The following RUNX1 variants were observed in gnomAD, a reference collection of about 807,000 sequenced individuals.
RUNX1 encodes runt-related transcription factor 1.
A neutral mutation model predicts 42.8 loss-of-function variants in RUNX1; 19 were observed. The ratio of observed to expected loss-of-function variants is 0.44; its 90% CI spans 0.31 to 0.65. The LOEUF (loss-of-function observed/expected upper bound fraction) is 0.65, where lower values mean the gene tolerates loss of function less well. RUNX1 is among the 30% of genes least tolerant of loss of function. RUNX1 has a pLI of 0.07. For missense variants in RUNX1, 528 were observed against 672.0 expected, an observed-to-expected ratio of 0.79 and a Z score of 2.37; for synonymous variants, 271 against 289.4, an observed-to-expected ratio of 0.94 and a Z score of 0.64.
At chr21:34,802,488 T>C (rs1027002181) in intron 7 of RUNX1, among the ~76,000 whole-genome samples, 4 of 152,234 alleles carry the variant, frequency 2.6e-5, no homozygotes, top group African/African-American at 4.8e-5. Context: ...CATTTATTCA[T>C]TCATGTGTTC....
intron 2 of RUNX1, among the ~76,000 whole-genome samples, chr21:34,949,506 T>C (rs1396055930): frequency 6.6e-6 from 1 of 152,258 alleles, no homozygotes; most frequent in East Asian, 1.9e-4. Flanking sequence ...ATGCTTTGTT[T>C]GGCTGAGGAA....
intron 7 of RUNX1, among the ~76,000 whole-genome samples, chr21:34,822,817 CA>C (rs2056927969): frequency 6.6e-6 from 1 of 152,296 alleles, no homozygotes; most frequent in Non-Finnish European, 1.5e-5. Flanking sequence ...AGAGTGGCCA[CA>C]ACAGTGTTAT....
Position 34,869,768 on chromosome 21 carries a change from G to T in RUNX1, c.509-10190C>A, listed in dbSNP as rs917332335. On this transcript the variant is annotated intron_variant, in intron 5 of 8. Transcript: ENST00000675419. ...CTGCTACAAAACCCCTTCAACTTGG[G>T]TGGAGGCAGCAATGATCACTCAGGA... Among the ~76,000 whole-genome samples, 6 of 152,316 alleles carry T rather than the reference G, an allele frequency of 3.9e-5. 1 individual carries two copies. The South Asian group carries it at 1.2e-3, about 32-fold the overall frequency.
chr21:34,982,929 A>G (rs1332428613), intron 2 of RUNX1, among the ~76,000 whole-genome samples: 2 of 152,174 alleles, frequency 1.3e-5, no homozygotes, highest in Non-Finnish European at 2.9e-5. Flanking sequence ...AGGTCTTATA[A>G]CCGTTAGGTG....
At chr21:35,031,193 A>T (rs1467674204) in intron 2 of RUNX1, among the ~76,000 whole-genome samples, 1 of 152,166 alleles carries the variant, frequency 6.6e-6, no homozygotes, top group Non-Finnish European at 1.5e-5. Flanking sequence ...TACTAAAAAT[A>T]CAAAATTAGC....
intron 5 of RUNX1, among the ~76,000 whole-genome samples, chr21:34,863,476 G>A (rs1282098375): frequency 1.3e-5 from 2 of 151,742 alleles, no homozygotes; most frequent in Admixed American, 1.3e-4. Flanking sequence ...ATATAATCAG[G>A]AGTAAAACTT....
intron 6 of RUNX1, 117 bp downstream of exon 6, chr21:34,859,357 G>A: frequency 2.3e-6 from 2 of 875,812 alleles, no homozygotes; most frequent in African/African-American, 1.6e-5. Context: ...ACGGGGGCCT[G>A]ACATCCCCCT....
At chr21:34,832,124 G>A (rs2057071413) in intron 7 of RUNX1, among the ~76,000 whole-genome samples, 1 of 152,172 alleles carries the variant, frequency 6.6e-6, no homozygotes, top group Non-Finnish European at 1.5e-5. Context: ...AAATGTTGCA[G>A]AAGTAAAAGT....
chr21:34,877,149 G>A (rs2057825905), intron 5 of RUNX1, among the ~76,000 whole-genome samples: 1 of 152,174 alleles, frequency 6.6e-6, no homozygotes, highest in African/African-American at 2.4e-5. Context: ...GTGAGCCACT[G>A]TGCCCGGATA....
At chr21:34,876,631 A>G (rs2057818675) in intron 5 of RUNX1, among the ~76,000 whole-genome samples, 2 of 152,184 alleles carry the variant, frequency 1.3e-5, no homozygotes, top group South Asian at 2.1e-4. Context: ...GATGTTCCCC[A>G]AAGATTAAAA....
chr21:34,996,179 A>G (rs971970907), intron 2 of RUNX1, among the ~76,000 whole-genome samples: 2 of 152,076 alleles, frequency 1.3e-5, no homozygotes, highest in African/African-American at 4.8e-5. Flanking sequence ...CTCCCAAGGA[A>G]CCACCGCCCT....
intron 2 of RUNX1, among the ~76,000 whole-genome samples, chr21:34,995,435 C>CTTTTTTT (rs5843694): frequency 3.7e-5 from 3 of 82,074 alleles, no homozygotes; most frequent in Non-Finnish European, 4.4e-5. Context: ...TTTCTGGGAG[C>CTTTTTTT]TTTTTTTTTT....
chr21:34,930,057 C>T (rs911238951), intron 2 of RUNX1, among the ~76,000 whole-genome samples: 1 of 150,062 alleles, frequency 6.7e-6, no homozygotes, highest in Admixed American at 6.7e-5. Flanking sequence ...CATATATATA[C>T]ATATCTCATG....
chr21:34,969,390 G>A (rs2058743921), intron 2 of RUNX1, among the ~76,000 whole-genome samples: 3 of 151,590 alleles, frequency 2.0e-5, no homozygotes, highest in Admixed American at 1.3e-4. Context: ...TCCTGCAGGG[G>A]CCAACAGAGA....
At chr21:34,854,559 T>C (rs1311313883) in intron 6 of RUNX1, among the ~76,000 whole-genome samples, 1 of 146,788 alleles carries the variant, frequency 6.8e-6, no homozygotes, top group African/African-American at 2.5e-5. Context: ...CACTCCAGCA[T>C]GGGCAACAGA....
chr21:34,799,230 T>C, intron 8 of RUNX1, 71 bp downstream of exon 8: 4 of 1,529,462 alleles, frequency 2.6e-6, no homozygotes, highest in Admixed American at 1.7e-5. Context: ...GCCAACTCCT[T>C]CATGCACCTC....
intron 2 of RUNX1, among the ~76,000 whole-genome samples, chr21:35,043,558 TAAG>T (rs1351855687): frequency 1.3e-5 from 2 of 152,254 alleles, no homozygotes; most frequent in Non-Finnish European, 2.9e-5. Flanking sequence ...GTTATTAAGC[TAAG>T]AAGATTTGTG....
At chr21:35,031,850 C>T (rs1331510419) in intron 2 of RUNX1, among the ~76,000 whole-genome samples, 1 of 152,136 alleles carries the variant, frequency 6.6e-6, no homozygotes, top group Non-Finnish European at 1.5e-5. Context: ...ATTAAAGGTA[C>T]CTACCATTGT....
intron 2 of RUNX1, among the ~76,000 whole-genome samples, chr21:35,027,325 T>C (rs1424834933): frequency 6.6e-6 from 1 of 152,216 alleles, no homozygotes; most frequent in African/African-American, 2.4e-5. Context: ...CACGGGGCTC[T>C]TGAGCAAATG....
Sources: allele counts gnomAD v4.1 joint callset (sites outside exome capture counted in the v4.1 genomes callset), GRCh38; gene constraint gnomAD v4.1.1; transcripts MANE v1.5; gene names NCBI Gene and HGNC (gene_info 2026-07-23, HGNC 2026-07-21).